Variants in MBOAT1 observed in about 807,000 individuals in gnomAD.
MBOAT1 encodes the protein membrane-bound glycerophospholipid O-acyltransferase 1.
In MBOAT1, 67 loss-of-function variants were observed where a neutral mutation model predicts 64.4. The observed-to-expected ratio is 1.04, with a 90% CI of 0.85 to 1.27. MBOAT1 has a LOEUF of 1.27. Among genes scored for constraint, MBOAT1 ranks in the 50% most tolerant of loss-of-function variants. The probability of loss-of-function intolerance (pLI) is 0.00; values close to 1 mark genes in which losing one functional copy is unlikely to be tolerated. For synonymous variants in MBOAT1, 229 were observed against 218.9 expected, an observed-to-expected ratio of 1.05 and a Z score of -0.41; for missense variants, 563 against 604.6, an observed-to-expected ratio of 0.93 and a Z score of 0.72.
At chr6:20,191,734 G>A (rs945180902) in intron 1 of MBOAT1, among the ~76,000 whole-genome samples, 1 of 152,176 alleles carries the variant, frequency 6.6e-6, no homozygotes, top group Non-Finnish European at 1.5e-5. Flanking sequence ...TATTTAGCTC[G>A]ATATAATAAT....
At chr6:20,137,117 C>T (rs1561757813) in intron 4 of MBOAT1, among the ~76,000 whole-genome samples, 1 of 152,024 alleles carries the variant, frequency 6.6e-6, no homozygotes, top group African/African-American at 2.4e-5. Context: ...GGAATTTATC[C>T]TATCATAGGA....
chr6:20,119,522 T>C (rs563102136), intron 8 of MBOAT1, among the ~76,000 whole-genome samples: 1 of 152,344 alleles, frequency 6.6e-6, no homozygotes, highest in East Asian at 1.9e-4. Flanking sequence ...AAAGTCCAAC[T>C]CTAGATGGCC....
At chr6:20,130,680 T>C (rs1005398788) in intron 5 of MBOAT1, among the ~76,000 whole-genome samples, 2 of 151,370 alleles carry the variant, frequency 1.3e-5, no homozygotes, top group African/African-American at 4.9e-5. Flanking sequence ...TAGGGAATTA[T>C]CATTAGATAA....
chr6:20,115,038 T>A (rs1450209263), intron 10 of MBOAT1, among the ~76,000 whole-genome samples: 2 of 152,126 alleles, frequency 1.3e-5, no homozygotes, highest in Non-Finnish European at 2.9e-5. Context: ...TATCATGAGA[T>A]TGATGGAGGA....
intron 1 of MBOAT1, among the ~76,000 whole-genome samples, chr6:20,166,075 G>A (rs1762008008): frequency 6.6e-6 from 1 of 151,978 alleles, no homozygotes; most frequent in Non-Finnish European, 1.5e-5. Flanking sequence ...AGCAGATGGA[G>A]CATACACTTT....
chr6:20,115,463 T>C, intron 9 of MBOAT1, 111 bp from the exon 10 acceptor site: 2 of 801,706 alleles, frequency 2.5e-6, no homozygotes, highest in Non-Finnish European at 4.2e-6. Flanking sequence ...CAATAGTGAC[T>C]GCTCACAGTT....
intron 1 of MBOAT1, among the ~76,000 whole-genome samples, chr6:20,206,370 C>A (rs561602080): frequency 1.3e-5 from 2 of 152,142 alleles, no homozygotes; most frequent in African/African-American, 4.8e-5. Flanking sequence ...GATGGGGTTT[C>A]GCCATGTTGG....
chr6:20,117,137 C>G (rs893373719), intron 9 of MBOAT1, among the ~76,000 whole-genome samples: 3 of 152,174 alleles, frequency 2.0e-5, no homozygotes, highest in Admixed American at 2.0e-4. Context: ...CAAGCAGCGA[C>G]CAATAGTAAA....
chr6:20,198,684 G>C (rs894723174), intron 1 of MBOAT1, among the ~76,000 whole-genome samples: 1 of 152,156 alleles, frequency 6.6e-6, no homozygotes, highest in Non-Finnish European at 1.5e-5. Flanking sequence ...ACCAAATCTA[G>C]ACACATATTA....
chr6:20,148,902 A>T (rs1221792901), intron 3 of MBOAT1, among the ~76,000 whole-genome samples: 2 of 152,066 alleles, frequency 1.3e-5, no homozygotes, highest in Non-Finnish European at 2.9e-5. Context: ...AGAGATTGAG[A>T]CCATCCTGGC....
chr6:20,169,419 A>G (rs1300708604), intron 1 of MBOAT1, among the ~76,000 whole-genome samples: 1 of 152,214 alleles, frequency 6.6e-6, no homozygotes, highest in Non-Finnish European at 1.5e-5. Context: ...GAGTGCAGGG[A>G]CCCAAAGTTT....
intron 4 of MBOAT1, among the ~76,000 whole-genome samples, 185 bp from the exon 5 acceptor site, chr6:20,131,384 G>A (rs796976834): frequency 2.6e-5 from 4 of 152,208 alleles, no homozygotes; most frequent in Non-Finnish European, 4.4e-5. Flanking sequence ...GTGATAGTGA[G>A]TGAGTTCTCA....
At chr6:20,152,933 C>T (rs1185724185) in intron 1 of MBOAT1, among the ~76,000 whole-genome samples, 164 bp from the exon 2 acceptor site, 1 of 152,120 alleles carries the variant, frequency 6.6e-6, no homozygotes, top group African/African-American at 2.4e-5. Flanking sequence ...CCCAGGTTCA[C>T]GTCATTCTCC....
chr6:20,107,949 A>G (rs1202205054), intron 12 of MBOAT1, among the ~76,000 whole-genome samples: 1 of 152,164 alleles, frequency 6.6e-6, no homozygotes, highest in Non-Finnish European at 1.5e-5. Flanking sequence ...TAGAGGACAA[A>G]AGGGCAAATG....
At chr6:20,156,140 G>A (rs1761674102) in intron 1 of MBOAT1, among the ~76,000 whole-genome samples, 2 of 151,854 alleles carry the variant, frequency 1.3e-5, no homozygotes, top group South Asian at 4.2e-4. Flanking sequence ...GCGTGGTGGT[G>A]GGCGCCTGTA....
intron 1 of MBOAT1, among the ~76,000 whole-genome samples, chr6:20,159,577 G>A (rs1328127863): frequency 6.6e-6 from 1 of 152,110 alleles, no homozygotes; most frequent in Non-Finnish European, 1.5e-5. Context: ...ATCTAAAAAA[G>A]TCGAAAAAGC....
Position 20,152,781 on chromosome 6 carries a change from G to A in MBOAT1, c.100-12C>T, listed in dbSNP as rs764446474. On this transcript the variant is annotated splice_polypyrimidine_tract_variant and intron_variant, in intron 1 of 12. Transcript: ENST00000324607. ...ACCACAAAATTCACCTGTGGCAGGG[G>A]AAGAGAAAATAAAAACCTTTGTGTG... The A allele has an allele frequency of 4.4e-6, 7 of 1,593,234 alleles. No individual in the cohort carries two copies. The highest frequency in any genetic ancestry group is 2.7e-5 in the African/African-American group (2 of 73,614).
chr6:20,142,936 T>G (rs1239209802), intron 4 of MBOAT1, among the ~76,000 whole-genome samples: 2 of 152,172 alleles, frequency 1.3e-5, no homozygotes, highest in Non-Finnish European at 2.9e-5. Flanking sequence ...AAGATTTAAA[T>G]GCAACAATCC....
In MBOAT1 at chr6:20,182,388, G is replaced by A. The variant is rs564956593; in HGVS notation, c.100-29619C>T. Among the ~76,000 whole-genome samples, 7 of 152,248 alleles carry A rather than the reference G, an allele frequency of 4.6e-5. No individual in the cohort carries two copies. In the East Asian group the frequency reaches 1.2e-3, roughly 25 times the overall value. On this transcript the variant is annotated intron_variant, in intron 1 of 12. Transcript: ENST00000324607. ...CCACCTCTTAATATTATTGCATTAGGAATTAGGTTTCAACATATGAATTTT... is the reference window on the plus strand; with the variant it reads ...CCACCTCTTAATATTATTGCATTAGAAATTAGGTTTCAACATATGAATTTT...
Sources: allele counts gnomAD v4.1 joint callset (sites outside exome capture counted in the v4.1 genomes callset), GRCh38; gene constraint gnomAD v4.1.1; transcripts MANE v1.5; gene names NCBI Gene and HGNC (gene_info 2026-07-23, HGNC 2026-07-21).